Variants in SNTG1 observed in about 807,000 individuals in gnomAD.
SNTG1 encodes the protein syntrophin gamma 1, also known as gamma-1-syntrophin.
A neutral mutation model predicts 74.7 loss-of-function variants in SNTG1; 39 were observed. The ratio of observed to expected loss-of-function variants is 0.52; its 90% CI spans 0.40 to 0.68. The LOEUF (loss-of-function observed/expected upper bound fraction) is 0.68, where lower values mean the gene tolerates loss of function less well. Ranked by LOEUF, SNTG1 falls within the 30% of genes least tolerant of loss-of-function variation. The pLI, the probability that SNTG1 is intolerant of heterozygous loss-of-function variation, is 0.00. For synonymous variants in SNTG1, 254 were observed against 217.1 expected (o/e 1.17, Z -1.49); for missense variants, 685 against 609.5 (o/e 1.12, Z -1.30).
At chr8:50,061,791 C>G (rs1053770850) in intron 1 of SNTG1, among the ~76,000 whole-genome samples, 1 of 151,900 alleles carries the variant, frequency 6.6e-6, no homozygotes, top group Admixed American at 6.6e-5. Flanking sequence ...TTCTTATTGT[C>G]TTGTTATTGA....
intron 13 of SNTG1, among the ~76,000 whole-genome samples, chr8:50,611,851 T>G (rs2094852236): frequency 6.6e-6 from 1 of 152,204 alleles, no homozygotes; most frequent in Admixed American, 6.5e-5. Context: ...ACCACACCCT[T>G]GACCTCCTGG....
At chr8:50,557,208 T>C (rs1346500834) in intron 12 of SNTG1, among the ~76,000 whole-genome samples, 3 of 119,596 alleles carry the variant, frequency 2.5e-5, no homozygotes, top group East Asian at 2.3e-4. Flanking sequence ...GGTTGGAGAG[T>C]AGGGGAGAAA....
rs1241090970 is a variant in SNTG1 at position 50,734,785 on chromosome 8, CTA to C, written c.1285-17208_1285-17207del. ...TATATATGGACATATATATAGATAT[CTA>C]TATATATGGACATATATATAGATAT... On this transcript the variant is annotated intron_variant, in intron 17 of 18. Transcript: ENST00000642720. 2.5e-4 allele frequency among the ~76,000 whole-genome samples: 24 copies of C among 94,960 alleles called. 1 individual carries two copies. The highest frequency in any genetic ancestry group is 1.0e-4 in the Non-Finnish European group (5 of 49,966). 62.3% of individuals were successfully genotyped at this position (94,960 alleles called of 152,430 possible).
intron 12 of SNTG1, among the ~76,000 whole-genome samples, chr8:50,567,476 G>T (rs998579104): frequency 6.6e-6 from 1 of 151,906 alleles, no homozygotes; most frequent in Non-Finnish European, 1.5e-5. Context: ...ATGTGTATGT[G>T]TATAAATGTA....
intron 1 of SNTG1, among the ~76,000 whole-genome samples, chr8:50,147,409 AT>A (rs1250216379): frequency 6.6e-6 from 1 of 152,252 alleles, no homozygotes. Flanking sequence ...AGACAAAAGA[AT>A]TATAGAATTA....
At chr8:49,938,591 TCTTTTC>T (rs1412207356) in intron 1 of SNTG1, among the ~76,000 whole-genome samples, 4 of 11,534 alleles carry the variant, frequency 3.5e-4, no homozygotes, top group African/African-American at 7.2e-4. Flanking sequence ...TCTTTTCTTT[TCTTTTC>T]TTTTCTTTTC....
At chr8:50,203,780 CTGTG>C (rs138161740) in intron 2 of SNTG1, among the ~76,000 whole-genome samples, 10 of 149,354 alleles carry the variant, frequency 6.7e-5, no homozygotes, top group Non-Finnish European at 9.0e-5. Context: ...GTGTGTGTTT[CTGTG>C]TGTGTGTGTG....
chr8:50,068,966 C>T (rs1270180427), intron 1 of SNTG1, among the ~76,000 whole-genome samples: 1 of 152,158 alleles, frequency 6.6e-6, no homozygotes, highest in Non-Finnish European at 1.5e-5. Flanking sequence ...CATTGCAGTA[C>T]ATTGTTCTTG....
intron 1 of SNTG1, among the ~76,000 whole-genome samples, chr8:49,941,194 T>C (rs1481772694): frequency 2.0e-5 from 3 of 152,006 alleles, no homozygotes; most frequent in African/African-American, 7.2e-5. Context: ...TTTCCCTGCT[T>C]TCTGTCCAAA....
intron 15 of SNTG1, among the ~76,000 whole-genome samples, chr8:50,663,784 C>A (rs892747607): frequency 1.3e-5 from 2 of 152,082 alleles, no homozygotes; most frequent in Non-Finnish European, 2.9e-5. Context: ...AATTAATATA[C>A]ACTTCCCATT....
chr8:50,613,607 T>C (rs1034805555), intron 13 of SNTG1, among the ~76,000 whole-genome samples: 10 of 152,210 alleles, frequency 6.6e-5, no homozygotes, highest in Admixed American at 6.5e-4. Flanking sequence ...AATCTGCTTA[T>C]GTTTATAAAA....
intron 17 of SNTG1, among the ~76,000 whole-genome samples, chr8:50,724,743 T>A (rs1018595773): frequency 1.3e-5 from 2 of 152,168 alleles, no homozygotes; most frequent in Non-Finnish European, 2.9e-5. Flanking sequence ...AAGAATTTGA[T>A]CTTGCTACAA....
chr8:50,538,241 C>T (rs916218036), intron 11 of SNTG1, among the ~76,000 whole-genome samples: 1 of 152,022 alleles, frequency 6.6e-6, no homozygotes, highest in African/African-American at 2.4e-5. Flanking sequence ...ATATATACAT[C>T]AAACACTATA....
intron 18 of SNTG1, among the ~76,000 whole-genome samples, chr8:50,779,681 C>T (rs1039818421): frequency 5.3e-5 from 8 of 151,148 alleles, no homozygotes; most frequent in East Asian, 3.9e-4. Context: ...TTTTCCTAAT[C>T]GAATACCCTT....
At chr8:50,123,124 T>A (rs2081048343) in intron 1 of SNTG1, among the ~76,000 whole-genome samples, 1 of 142,102 alleles carries the variant, frequency 7.0e-6, no homozygotes, top group Non-Finnish European at 1.6e-5. Context: ...GATTTCATAC[T>A]CCACATGCCT....
intron 1 of SNTG1, among the ~76,000 whole-genome samples, chr8:49,973,124 A>C (rs1036112652): frequency 6.6e-6 from 1 of 152,182 alleles, no homozygotes; most frequent in African/African-American, 2.4e-5. Context: ...CAAATGTCCA[A>C]CAATGATAGA....
At chr8:50,783,437 A>G (rs2095665929) in intron 18 of SNTG1, among the ~76,000 whole-genome samples, 1 of 152,162 alleles carries the variant, frequency 6.6e-6, no homozygotes. Flanking sequence ...GCTGCCTTGC[A>G]GTTTGATCTC....
At chr8:50,649,692 A>G (rs1300506475) in intron 13 of SNTG1, among the ~76,000 whole-genome samples, 1 of 152,206 alleles carries the variant, frequency 6.6e-6, no homozygotes, top group East Asian at 1.9e-4. Context: ...TCTAAGTTGA[A>G]TAAGCCAAAA....
intron 2 of SNTG1, among the ~76,000 whole-genome samples, chr8:50,295,217 G>T (rs1213798611): frequency 2.6e-5 from 4 of 152,112 alleles, no homozygotes; most frequent in Non-Finnish European, 5.9e-5. Context: ...TAATAATCAT[G>T]TTTTCTAATA....
Sources: allele counts gnomAD v4.1 joint callset (sites outside exome capture counted in the v4.1 genomes callset), GRCh38; gene constraint gnomAD v4.1.1; transcripts MANE v1.5; gene names NCBI Gene and HGNC (gene_info 2026-07-23, HGNC 2026-07-21).